Variants in SNTG1 observed in about 807,000 individuals in gnomAD.
SNTG1 encodes syntrophin gamma 1, also known as gamma-1-syntrophin.
A neutral mutation model predicts 74.7 loss-of-function variants in SNTG1; 39 were observed. The ratio of observed to expected loss-of-function variants is 0.52; its 90% CI spans 0.40 to 0.68. SNTG1 has a LOEUF of 0.68. Ranked by LOEUF, SNTG1 falls within the 30% of genes least tolerant of loss-of-function variation. The pLI, the probability that SNTG1 is intolerant of heterozygous loss-of-function variation, is 0.00. For synonymous variants in SNTG1, 254 were observed against 217.1 expected, an observed-to-expected ratio of 1.17 and a Z score of -1.49; for missense variants, 685 against 609.5, an observed-to-expected ratio of 1.12 and a Z score of -1.30.
intron 2 of SNTG1, among the ~76,000 whole-genome samples, chr8:50,352,316 T>C (rs1433598062): frequency 6.6e-6 from 1 of 152,146 alleles, no homozygotes; most frequent in Non-Finnish European, 1.5e-5. Flanking sequence ...AGTGCTTTCT[T>C]TGAACTCCTG....
chr8:50,184,296 G>T (rs1239802649), intron 2 of SNTG1, among the ~76,000 whole-genome samples: 1 of 151,944 alleles, frequency 6.6e-6, no homozygotes, highest in Admixed American at 6.6e-5. Context: ...CTCCTGAATA[G>T]CTGGGATTAC....
At chr8:50,659,587 G>A (rs1020597024) in intron 15 of SNTG1, among the ~76,000 whole-genome samples, 7 of 152,132 alleles carry the variant, frequency 4.6e-5, no homozygotes, top group Non-Finnish European at 8.8e-5. Context: ...GTTCCTTATA[G>A]AGAACTTTGG....
rs1430645308 is a variant in SNTG1 at position 50,124,974 on chromosome 8, C to T, written c.-102-47587C>T. Among the ~76,000 whole-genome samples, 3 of 141,714 alleles carry T rather than the reference C, an allele frequency of 2.1e-5. 1 individual carries two copies. 93.0% of individuals were successfully genotyped at this position (141,714 alleles called of 152,430 possible). ...TGTTATCTTATTTTCATGGCATACC[C>T]TCTCATAAATGTTACTATAAGATAG... On this transcript the variant is annotated intron_variant, in intron 1 of 18. Coordinates refer to ENST00000642720, the MANE Select transcript of SNTG1 (RefSeq NM_018967.5).
At chr8:50,651,432 G>A (rs1450252477) in intron 13 of SNTG1, among the ~76,000 whole-genome samples, 1 of 152,030 alleles carries the variant, frequency 6.6e-6, no homozygotes, top group Non-Finnish European at 1.5e-5. Flanking sequence ...TTGTATTTTA[G>A]TTCAAACTAT....
At chr8:50,153,467 G>C (rs1419600934) in intron 1 of SNTG1, among the ~76,000 whole-genome samples, 1 of 152,268 alleles carries the variant, frequency 6.6e-6, no homozygotes, top group East Asian at 1.9e-4. Flanking sequence ...CTTTGGAGGG[G>C]GAGAGGTACT....
intron 13 of SNTG1, among the ~76,000 whole-genome samples, chr8:50,609,970 T>A (rs2094838802): frequency 1.3e-5 from 2 of 152,128 alleles, no homozygotes; most frequent in African/African-American, 4.8e-5. Flanking sequence ...TCATCCAGAG[T>A]CAGTTTCTAT....
intron 1 of SNTG1, among the ~76,000 whole-genome samples, chr8:49,938,580 T>TTC (rs1491313229): frequency 1.8e-4 from 7 of 39,934 alleles, no homozygotes; most frequent in African/African-American, 5.5e-4. Context: ...TTCTTTTCTT[T>TTC]TCTTTTCTTT....
At chr8:50,166,928 A>G (rs1040085947) in intron 1 of SNTG1, among the ~76,000 whole-genome samples, 1 of 149,940 alleles carries the variant, frequency 6.7e-6, no homozygotes, top group Non-Finnish European at 1.5e-5. Flanking sequence ...TACACCATGG[A>G]ATACTATGCA....
intron 15 of SNTG1, among the ~76,000 whole-genome samples, chr8:50,700,085 G>A (rs554878828): frequency 2.0e-5 from 3 of 152,198 alleles, no homozygotes; most frequent in Admixed American, 2.0e-4. Context: ...CCTTATAACA[G>A]CTCCTGCATG....
At chr8:50,066,517 ATAAT>A (rs1040757156) in intron 1 of SNTG1, among the ~76,000 whole-genome samples, 6 of 152,108 alleles carry the variant, frequency 3.9e-5, no homozygotes, top group Admixed American at 3.3e-4. Flanking sequence ...AAGTTTAAAA[ATAAT>A]TAATTAAATT....
intron 8 of SNTG1, among the ~76,000 whole-genome samples, chr8:50,494,429 A>G (rs1003641219): frequency 2.6e-5 from 4 of 152,022 alleles, no homozygotes. Flanking sequence ...CTTTAATAAA[A>G]TGGTTTGAAG....
intron 2 of SNTG1, among the ~76,000 whole-genome samples, chr8:50,207,721 C>T (rs1404581020): frequency 6.6e-6 from 1 of 152,192 alleles, no homozygotes; most frequent in Non-Finnish European, 1.5e-5. Flanking sequence ...ACATTTCCCT[C>T]TACACACTGC....
chr8:50,626,150 G>A (rs1456854086), intron 13 of SNTG1, among the ~76,000 whole-genome samples: 1 of 152,148 alleles, frequency 6.6e-6, no homozygotes, highest in Non-Finnish European at 1.5e-5. Flanking sequence ...GCATTACTAT[G>A]TTTATGAGAA....
chr8:50,381,962 C>G (rs1160749435), intron 2 of SNTG1: 1 of 150,984 alleles, frequency 6.6e-6, no homozygotes, highest in Non-Finnish European at 1.5e-5. Flanking sequence ...ACTGAAGAAC[C>G]TGGAGTCTGA....
rs1002724087 is a variant in SNTG1, at chr8:50,742,008, C to T, written c.1285-9993C>T. On this transcript the variant is annotated intron_variant, in intron 17 of 18. Transcript: ENST00000642720. Reference sequence around the variant, plus strand: ...CACCAAAAGTGAACCCAAATGTAAACTTAGGACTTTGAAGGATAATAATAT... The same window carrying T: ...CACCAAAAGTGAACCCAAATGTAAATTTAGGACTTTGAAGGATAATAATAT... Among the ~76,000 whole-genome samples, 12 of 152,014 alleles carry T rather than the reference C, an allele frequency of 7.9e-5. No homozygotes were observed. In the South Asian group the frequency reaches 2.3e-3, roughly 29 times the overall value.
intron 12 of SNTG1, among the ~76,000 whole-genome samples, chr8:50,568,407 A>G (rs534338338): frequency 1.3e-5 from 2 of 152,134 alleles, no homozygotes; most frequent in East Asian, 3.9e-4. Context: ...TTACTTTTTG[A>G]GGAACCTCCC....
At chr8:50,104,476 C>A (rs556891229) in intron 1 of SNTG1, among the ~76,000 whole-genome samples, 1 of 152,054 alleles carries the variant, frequency 6.6e-6, no homozygotes, top group East Asian at 1.9e-4. Context: ...GTCTTGCTAG[C>A]GGTCTATCAA....
chr8:50,095,295 C>G lies in SNTG1; in HGVS notation c.-102-77266C>G, dbSNP rs1373888932. Among the ~76,000 whole-genome samples the G allele has an allele frequency of 2.6e-5, 4 of 152,168 alleles. 1 individual carries two copies. The highest frequency in any genetic ancestry group is 1.9e-4 in the East Asian group (1 of 5,170). On this transcript the variant is annotated intron_variant, in intron 1 of 18. Transcript: ENST00000642720. ...ACATAACAAACCTGCACACATACCCCCAAACCTACAATAAAAGTTGAGAAA... is the reference window on the plus strand; with the variant it reads ...ACATAACAAACCTGCACACATACCCGCAAACCTACAATAAAAGTTGAGAAA...
At chr8:50,116,952 A>C (rs2080844868) in intron 1 of SNTG1, among the ~76,000 whole-genome samples, 2 of 152,118 alleles carry the variant, frequency 1.3e-5, no homozygotes, top group African/African-American at 4.8e-5. Flanking sequence ...TTTATATTTA[A>C]CTTACAGAAT....
Sources: gnomAD v4.1 joint callset for allele counts (sites outside exome capture counted in the v4.1 genomes callset) on GRCh38, gnomAD v4.1.1 for gene constraint, MANE v1.5 for transcripts, NCBI Gene and HGNC (gene_info 2026-07-23, HGNC 2026-07-21) for gene names.